The following NSMAF variants were observed in gnomAD, a reference collection of about 807,000 sequenced individuals.
NSMAF encodes protein FAN.
Under a neutral mutation model 134.9 loss-of-function variants are expected in NSMAF, and 90 were observed. The ratio of observed to expected loss-of-function variants is 0.67; its 90% CI spans 0.56 to 0.79. The LOEUF is 0.79. NSMAF is among the 30% of genes least tolerant of loss of function. The pLI, the probability that NSMAF is intolerant of heterozygous loss-of-function variation, is 0.00. For synonymous variants in NSMAF, 358 were observed against 389.6 expected (o/e 0.92, Z 0.96); for missense variants, 1,010 against 1,119.0 (o/e 0.90, Z 1.39).
intron 9 of NSMAF, among the ~76,000 whole-genome samples, chr8:58,611,043 G>A (rs1019484881): frequency 6.6e-6 from 1 of 152,076 alleles, no homozygotes; most frequent in Non-Finnish European, 1.5e-5. Context: ...ACTTCTGGAG[G>A]TAAATATTAT....
At chr8:58,659,331 T>C (rs1340741629) in intron 1 of NSMAF, 2 of 1,527,274 alleles carry the variant, frequency 1.3e-6, no homozygotes, top group Non-Finnish European at 1.8e-6. Context: ...CGGTGGAATC[T>C]GGCCTGGCCC....
At chr8:58,593,717 T>C (rs1273086403) in intron 23 of NSMAF, among the ~76,000 whole-genome samples, 15 of 152,212 alleles carry the variant, frequency 9.9e-5, no homozygotes, top group Non-Finnish European at 1.5e-5. Context: ...GTCATATCAA[T>C]GACACACTGC....
chr8:58,617,596 C>G (rs1806689832), intron 9 of NSMAF, among the ~76,000 whole-genome samples: 2 of 152,192 alleles, frequency 1.3e-5, no homozygotes, highest in Non-Finnish European at 2.9e-5. Context: ...AAATGCAAAT[C>G]AAAACCACAA....
At chr8:58,598,077 G>A (rs948105291) in intron 19 of NSMAF, among the ~76,000 whole-genome samples, 175 bp from the exon 20 acceptor site, 1 of 152,172 alleles carries the variant, frequency 6.6e-6, no homozygotes, top group African/African-American at 2.4e-5. Context: ...ATTATCTTCA[G>A]ATGAACAAAA....
chr8:58,601,049 T>C (rs1806267111), intron 16 of NSMAF: 1 of 365,172 alleles, frequency 2.7e-6, no homozygotes, highest in Admixed American at 4.3e-5. Context: ...TGGGAAAAAC[T>C]TTAAGATTTA....
In NSMAF at chr8:58,659,599, C is replaced by A. The variant is rs1401923410; in HGVS notation, c.33G>T (p.Gln11His). 14 of 1,495,932 alleles carry A rather than the reference C, an allele frequency of 9.4e-6. No homozygotes were observed. The highest frequency in any genetic ancestry group is 1.5e-5 in the African/African-American group (1 of 68,572). The allele number at this position is 1,495,932 out of a possible 1,614,324, so 92.7% of individuals were successfully genotyped here. ...TCTCCTTGGAGTAGAGCTGCAGCTGCTGCTCCTGCTGCTTCTTCCGGATAA... is the reference window on the plus strand; with the variant it reads ...TCTCCTTGGAGTAGAGCTGCAGCTGATGCTCCTGCTGCTTCTTCCGGATAA... The part of the protein sequence containing the change: MAFIRKKQQE[Q>H]QLQLYSKERF... The change falls in exon 1 of 31, where the codon CAG becomes CAT. Residue 11 changes from glutamine to histidine, a missense_variant. Transcript: ENST00000038176.
intron 6 of NSMAF, among the ~76,000 whole-genome samples, chr8:58,628,888 C>T (rs1215678479): frequency 2.6e-5 from 4 of 152,150 alleles, no homozygotes. Context: ...ATTTTCTGAC[C>T]TGCAAGCTTT....
Position 58,583,549 on chromosome 8 carries a change from G to A in NSMAF, c.*557C>T, listed in dbSNP as rs1805815468. The A allele has an allele frequency of 1.3e-5, 2 of 150,896 alleles. No individual in the cohort carries two copies. Among genetic ancestry groups the A allele is most frequent in the African/African-American group, 5.0e-5 (2 of 40,192 alleles). 9.3% of individuals were successfully genotyped at this position (150,896 alleles called of 1,614,324 possible). A position where few individuals can be genotyped will look rare whatever the true frequency, so the allele number is the denominator to read the frequency against. ...TTTAATGTAGAAAAGATGAATAGCT[G>A]TAATGAAATACAAACCGTTCCTATA... On this transcript the variant is annotated 3_prime_UTR_variant, in exon 31 of 31. Coordinates refer to ENST00000038176, the MANE Select transcript of NSMAF (RefSeq NM_003580.4).
At chr8:58,614,341 T>A (rs2129143033) in intron 9 of NSMAF, among the ~76,000 whole-genome samples, 1 of 152,328 alleles carries the variant, frequency 6.6e-6, no homozygotes, top group East Asian at 1.9e-4. Context: ...TTTTATGGAA[T>A]GAGTTTACAG....
At chr8:58,600,351 G>A (rs531655794) in intron 16 of NSMAF, among the ~76,000 whole-genome samples, 38 of 152,200 alleles carry the variant, frequency 2.5e-4, no homozygotes, top group African/African-American at 7.9e-4. Flanking sequence ...CTGGTAGGGC[G>A]CGGTGGCTCA....
Position 58,603,857 on chromosome 8 carries a change from T to A in NSMAF, c.869-471A>T, listed in dbSNP as rs1019898527. Among the ~76,000 whole-genome samples, 3 of 152,202 alleles carry A rather than the reference T, an allele frequency of 2.0e-5. No homozygotes were observed. In the East Asian group the frequency reaches 5.8e-4, roughly 29 times the overall value. ...GTACTACTGCTAATTTGTCAATGACTACATATTATTTATGCATGTGAAGAC... is the reference window on the plus strand; with the variant it reads ...GTACTACTGCTAATTTGTCAATGACAACATATTATTTATGCATGTGAAGAC... On this transcript the variant is annotated intron_variant, in intron 12 of 30. Transcript: ENST00000038176.
chr8:58,652,839 A>G (rs1807616910), intron 1 of NSMAF, among the ~76,000 whole-genome samples: 1 of 152,258 alleles, frequency 6.6e-6, no homozygotes, highest in South Asian at 2.1e-4. Flanking sequence ...TCAGACAGAC[A>G]AAAACAGAGG....
At chr8:58,584,229 G>A in intron 30 of NSMAF, 29 bp from the exon 31 acceptor site, 1 of 1,562,838 alleles carries the variant, frequency 6.4e-7, no homozygotes, top group African/African-American at 1.4e-5. Context: ...GGTTAGTTAG[G>A]AAGTTGACCA....
intron 2 of NSMAF, among the ~76,000 whole-genome samples, chr8:58,641,120 C>T (rs997091521): frequency 9.3e-5 from 14 of 150,762 alleles, no homozygotes; most frequent in African/African-American, 3.4e-4. Flanking sequence ...GAGGTTTCAC[C>T]GTGTTGGCCA....
chr8:58,649,188 G>A (rs1807527667), intron 1 of NSMAF, among the ~76,000 whole-genome samples: 1 of 152,172 alleles, frequency 6.6e-6, no homozygotes, highest in African/African-American at 2.4e-5. Context: ...AGATTATTGT[G>A]GAGTTTTAAG....
rs1292951100 is a variant in NSMAF at position 58,599,803 on chromosome 8, T to C, written c.1400A>G (p.Lys467Arg). 6 of 1,614,018 alleles carry C rather than the reference T, an allele frequency of 3.7e-6. No homozygotes were observed. In the African/African-American group the frequency reaches 4.0e-5, roughly 11 times the overall value. ...GTCAACCATCTGTCCTCCTTGTCTC[T>C]TTCCCAAATCCAACTTCAGGCTATT... Reference protein sequence around the residue: ...LVNSLKLDLGKRQGGQMVDDV... With the variant: ...LVNSLKLDLGRRQGGQMVDDV... Residue 467 changes from lysine to arginine, a missense_variant, in exon 18 of 31, where the codon AAG becomes AGG. Coordinates refer to ENST00000038176, the MANE Select transcript of NSMAF (RefSeq NM_003580.4).
intron 29 of NSMAF, 62 bp from the exon 30 acceptor site, chr8:58,585,823 C>A: frequency 6.3e-7 from 1 of 1,577,552 alleles, no homozygotes; most frequent in Non-Finnish European, 8.7e-7. Flanking sequence ...GTTGAACTGG[C>A]CAATGTAAGC....
At chr8:58,602,552 T>A (rs1461948860) in intron 13 of NSMAF, among the ~76,000 whole-genome samples, 1 of 152,166 alleles carries the variant, frequency 6.6e-6, no homozygotes, top group African/African-American at 2.4e-5. Flanking sequence ...GTGAGCTAAA[T>A]ATTTTCAGAG....
At chr8:58,587,884 C>A (rs909560489) in intron 26 of NSMAF, among the ~76,000 whole-genome samples, 183 bp from the exon 27 acceptor site, 22 of 152,204 alleles carry the variant, frequency 1.4e-4, no homozygotes, top group African/African-American at 5.1e-4. Flanking sequence ...CATGTGCTTG[C>A]TTACTGTCCC....
Sources: gnomAD v4.1 joint callset for allele counts (sites outside exome capture counted in the v4.1 genomes callset) on GRCh38, gnomAD v4.1.1 for gene constraint, MANE v1.5 for transcripts, NCBI Gene and HGNC (gene_info 2026-07-23, HGNC 2026-07-21) for gene names.